NOSIP: variants seen among roughly 807,000 people sequenced by gnomAD.
The protein encoded by NOSIP is nitric oxide synthase interacting protein.
In NOSIP, 25 loss-of-function variants were observed where a neutral mutation model predicts 36.4. The ratio of observed to expected loss-of-function variants is 0.69; its 90% CI spans 0.50 to 0.96. The LOEUF (loss-of-function observed/expected upper bound fraction) is 0.96. Ranked by LOEUF, NOSIP falls within the 40% of genes least tolerant of loss-of-function variation. The pLI is 0.00. For synonymous variants in NOSIP, 187 were observed against 179.2 expected (o/e 1.04, Z -0.35); for missense variants, 370 against 429.0 (o/e 0.86, Z 1.21).
rs1601232257 is a variant in NOSIP at position 49,555,614 on chromosome 19, CT to C, written c.*136del. The C allele has an allele frequency of 1.5e-6, 1 of 679,366 alleles. No individual in the cohort carries two copies. The highest frequency in any genetic ancestry group is 2.6e-6 in the Non-Finnish European group (1 of 388,260). The allele number at this position is 679,366 out of a possible 1,614,324, so 42.1% of individuals were successfully genotyped here. ...AATATGCTTAGCCCGCTCTTTCAAA[CT>C]CCAGCGTGCGCTGTAGGAGCACTGT... On this transcript the variant is annotated 3_prime_UTR_variant, in exon 9 of 9. Coordinates refer to ENST00000596358, the MANE Select transcript of NOSIP (RefSeq NM_001270960.2).
rs1440805858 is a variant in NOSIP at position 49,560,590 on chromosome 19, A to G, written c.70+32T>C. On this transcript the variant is annotated intron_variant, in intron 2 of 8. Transcript: ENST00000596358. This position sits in a 1 kb window ranked among gnomAD's most constrained non-coding sequence, Gnocchi z 4.6. ...GAGAGGGTGACTCCAAGACACAGCC[A>G]TGTCCCGCCTCTTCCCACCCCAGCC... is the stretch of plus-strand genomic sequence containing the variant. 49 of 1,533,842 alleles carry G rather than the reference A, an allele frequency of 3.2e-5. No individual in the cohort carries two copies. Among genetic ancestry groups the G allele is most frequent in the Non-Finnish European group, 4.2e-5 (47 of 1,125,986 alleles).
In NOSIP at chr19:49,580,523, C is replaced by T. The variant is rs933936589; in HGVS notation, c.-10G>A. ...CACCGCCTCGAACTCACCTCACTAA[C>T]GACTCCCAGTCCCTCGGTCGCTTCT... On this transcript the variant is annotated 5_prime_UTR_variant, in exon 1 of 9. Coordinates refer to ENST00000596358, the MANE Select transcript of NOSIP (RefSeq NM_001270960.2). The T allele has an allele frequency of 6.6e-6, 1 of 152,248 alleles. No homozygotes were observed. Among genetic ancestry groups the T allele is most frequent in the African/African-American group, 2.4e-5 (1 of 41,436 alleles). 9.4% of individuals were successfully genotyped at this position (152,248 alleles called of 1,614,324 possible).
chr19:49,580,410 A>T (rs539776329), intron 1 of NOSIP, 105 bp downstream of exon 1: 14 of 152,036 alleles, frequency 9.2e-5, no homozygotes, highest in Non-Finnish European at 1.3e-4. Flanking sequence ...ATTGACAGGG[A>T]ATCGGGAATC....
Position 49,560,756 on chromosome 19 carries a change from C to G in NOSIP, c.-1-64G>C. 1 of 1,239,982 alleles carries G rather than the reference C, an allele frequency of 8.1e-7. No individual in the cohort carries two copies. The highest frequency in any genetic ancestry group is 1.2e-6 in the Non-Finnish European group (1 of 863,766). The allele number at this position is 1,239,982 out of a possible 1,614,324, so 76.8% of individuals were successfully genotyped here. A position where few individuals can be genotyped will look rare whatever the true frequency, so the allele number is the denominator to read the frequency against. On this transcript the variant is annotated intron_variant, in intron 1 of 8. Coordinates refer to ENST00000596358, the MANE Select transcript of NOSIP (RefSeq NM_001270960.2). This position sits in a 1 kb window ranked among gnomAD's most constrained non-coding sequence, Gnocchi z 4.6. Reference sequence around the variant, plus strand: ...GAGGCAGGCAGCACAGGGAAGACCTCTGCAGCCCTCAGAGCTGATCTGCCC... The same window carrying G: ...GAGGCAGGCAGCACAGGGAAGACCTGTGCAGCCCTCAGAGCTGATCTGCCC...
chr19:49,556,009 AG>A (rs1190171576), intron 8 of NOSIP, among the ~76,000 whole-genome samples, 187 bp from the exon 9 acceptor site: 1 of 133,380 alleles, frequency 7.5e-6, no homozygotes, highest in Non-Finnish European at 1.6e-5. Context: ...CGCAGAGAAG[AG>A]GGTAGAGAGT....
chr19:49,572,406 CTTTTTTTTT>C (rs35209614), intron 1 of NOSIP, among the ~76,000 whole-genome samples: 1 of 97,934 alleles, frequency 1.0e-5, no homozygotes, highest in Non-Finnish European at 1.9e-5. Context: ...TGCACCCAGC[CTTTTTTTTT>C]TTTTTTTTTT....
At chr19:49,570,267 A>G (rs935583053) in intron 1 of NOSIP, among the ~76,000 whole-genome samples, 4 of 152,094 alleles carry the variant, frequency 2.6e-5, no homozygotes, top group African/African-American at 9.7e-5. Context: ...CCACCGATGT[A>G]AAAAGCAACT....
chr19:49,557,230 C>T lies in NOSIP; in HGVS notation c.278G>A (p.Gly93Asp). 3.1e-6 allele frequency: 5 copies of T among 1,592,078 alleles called. No individual in the cohort carries two copies. The highest frequency in any genetic ancestry group is 3.4e-6 in the Non-Finnish European group (4 of 1,170,162). The change falls in exon 5 of 9, where the codon GGC becomes GAC. Residue 93 changes from glycine (G) to aspartate (D), a missense_variant. Transcript: ENST00000596358. The part of the protein sequence containing the change: ...RQMKAYEKQR[G>D]TRREEQKELQ... ...CTCCTTCTGCTCCTCGCGCCGGGTG[C>T]CCCGCTGCTTCTCGTAGGCCTGCGT...
chr19:49,574,344 G>C (rs751972779), intron 1 of NOSIP, among the ~76,000 whole-genome samples: 1 of 152,138 alleles, frequency 6.6e-6, no homozygotes, highest in Non-Finnish European at 1.5e-5. Flanking sequence ...AAGTGTAAGA[G>C]AAATGGGAGA....
At position 49,555,732 on chromosome 19, in the gene NOSIP, T is replaced by G. The variant is rs200860162; in HGVS notation, c.*19A>C. The G allele has an allele frequency of 8.9e-5, 144 of 1,609,424 alleles. No individual in the cohort carries two copies. Among genetic ancestry groups the G allele is most frequent in the Non-Finnish European group, 1.2e-4 (137 of 1,176,670 alleles). On this transcript the variant is annotated 3_prime_UTR_variant, in exon 9 of 9. Coordinates refer to ENST00000596358, the MANE Select transcript of NOSIP (RefSeq NM_001270960.2). ...GTCGTTGCGCACCCAAGCCGGTTTA[T>G]TTGGTCTCCCGCACACACTCAGGCC... is the stretch of plus-strand genomic sequence containing the variant.
chr19:49,574,437 C>T (rs1433480446), intron 1 of NOSIP, among the ~76,000 whole-genome samples: 4 of 152,124 alleles, frequency 2.6e-5, no homozygotes, highest in African/African-American at 9.7e-5. Context: ...AAAGGAGAGG[C>T]TGATGGGGCC....
At chr19:49,563,973 C>A (rs1356729323) in intron 1 of NOSIP, among the ~76,000 whole-genome samples, 2 of 152,188 alleles carry the variant, frequency 1.3e-5, no homozygotes, top group African/African-American at 4.8e-5. Flanking sequence ...CAACACATTT[C>A]TAGACAGTCT....
Position 49,560,095 on chromosome 19 carries a change from G to T in NOSIP, c.71-56C>A. On this transcript the variant is annotated intron_variant, in intron 2 of 8. Coordinates refer to ENST00000596358, the MANE Select transcript of NOSIP (RefSeq NM_001270960.2). The surrounding 1 kb of genome is among the most constrained non-coding windows in gnomAD (Gnocchi z 4.6). The stretch of plus-strand genomic sequence containing the variant: ...GGGCGGAGCAACAGGAGACATGTCC[G>T]TCTCCAAAGCCCCAGAGAGAGGCAC... The T allele has an allele frequency of 8.3e-7, 1 of 1,204,928 alleles. No homozygotes were observed. The highest frequency in any genetic ancestry group is 1.2e-6 in the Non-Finnish European group (1 of 830,024). The allele number at this position is 1,204,928 out of a possible 1,614,324, so 74.6% of individuals were successfully genotyped here.
chr19:49,560,846 G>T lies in NOSIP; in HGVS notation c.-1-154C>A, dbSNP rs908584331. On this transcript the variant is annotated intron_variant, in intron 1 of 8. Coordinates refer to ENST00000596358, the MANE Select transcript of NOSIP (RefSeq NM_001270960.2). The surrounding 1 kb of genome is among the most constrained non-coding windows in gnomAD (Gnocchi z 4.6). ...TGGAAGAGAGGGAGGGCATGTGGTCGCCAGGCCTCCTCCAGGAAGTCCTCC... is the reference window on the plus strand; with the variant it reads ...TGGAAGAGAGGGAGGGCATGTGGTCTCCAGGCCTCCTCCAGGAAGTCCTCC... Among the ~76,000 whole-genome samples the T allele has an allele frequency of 6.6e-6, 1 of 152,138 alleles. No homozygotes were observed. Among genetic ancestry groups the T allele is most frequent in the Non-Finnish European group, 1.5e-5 (1 of 68,014 alleles).
intron 1 of NOSIP, among the ~76,000 whole-genome samples, chr19:49,565,581 T>G (rs1365481636): frequency 2.0e-5 from 3 of 151,820 alleles, no homozygotes; most frequent in African/African-American, 4.8e-5. Context: ...AGACCCCATC[T>G]CTACAAAAAA....
chr19:49,556,482 GGCCCCAAAGCCGGACC>G, intron 7 of NOSIP, 51 bp downstream of exon 7: 1 of 1,608,558 alleles, frequency 6.2e-7, no homozygotes, highest in South Asian at 1.1e-5. Context: ...GGGACCTACT[GGCCCCAAAGCCGGACC>G]GCCCCGCAGG....
intron 1 of NOSIP, among the ~76,000 whole-genome samples, chr19:49,567,154 GCT>G (rs1202171265): frequency 8.9e-6 from 1 of 112,446 alleles, no homozygotes; most frequent in Admixed American, 1.1e-4. Flanking sequence ...ACGGAGTCTC[GCT>G]CTGTCTCCCA....
intron 7 of NOSIP, 57 bp from the exon 8 acceptor site, chr19:49,556,482 G>A (rs890474969): frequency 3.0e-5 from 49 of 1,608,440 alleles, no homozygotes; most frequent in African/African-American, 1.3e-5. Flanking sequence ...GGGACCTACT[G>A]GCCCCAAAGC....
intron 8 of NOSIP, 45 bp from the exon 9 acceptor site, chr19:49,555,867 G>A (rs761858743): frequency 7.0e-7 from 1 of 1,428,354 alleles, no homozygotes; most frequent in Non-Finnish European, 9.9e-7. Flanking sequence ...CGGCCCGGGG[G>A]TGACCAGTGG....
Sources: allele counts gnomAD v4.1 joint callset (sites outside exome capture counted in the v4.1 genomes callset), GRCh38; gene constraint gnomAD v4.1.1; non-coding constraint Gnocchi (gnomAD v3.1); transcripts MANE v1.5; gene names NCBI Gene and HGNC (gene_info 2026-07-23, HGNC 2026-07-21).